Variants in DCC observed in about 807,000 individuals in gnomAD.
DCC encodes DCC netrin 1 receptor.
DCC carries 58 observed loss-of-function variants against 172.5 expected under a neutral mutation model. The ratio of observed to expected loss-of-function variants is 0.34; its 90% CI spans 0.27 to 0.42. The LOEUF (loss-of-function observed/expected upper bound fraction) is 0.42, where lower values mean the gene tolerates loss of function less well. Among genes scored for constraint, DCC ranks in the 10% least tolerant of loss-of-function variants. The pLI is 1.00. For synonymous variants in DCC, 709 were observed against 644.5 expected, an observed-to-expected ratio of 1.10 and a Z score of -1.52; for missense variants, 1,740 against 1,791.0, an observed-to-expected ratio of 0.97 and a Z score of 0.51.
intron 18 of DCC, 72 bp from the exon 19 acceptor site, chr18:53,402,714 G>T: frequency 1.8e-6 from 2 of 1,086,958 alleles, no homozygotes; most frequent in South Asian, 2.5e-5. Flanking sequence ...TCAACATCAT[G>T]ATGAAATTTC....
chr18:52,841,732 C>T (rs1424304573), intron 2 of DCC, among the ~76,000 whole-genome samples: 1 of 152,202 alleles, frequency 6.6e-6, no homozygotes, highest in Non-Finnish European at 1.5e-5. Flanking sequence ...GTTGGGAGTG[C>T]TGGCTGGCAA....
Position 52,513,052 on chromosome 18 carries a change from G to T in DCC, c.91+172174G>T, listed in dbSNP as rs865970378. 7.4e-4 allele frequency among the ~76,000 whole-genome samples: 113 copies of T among 152,082 alleles called. 1 individual carries two copies. The highest frequency in any genetic ancestry group is 2.6e-3 in the African/African-American group (108 of 41,400). On this transcript the variant is annotated intron_variant, in intron 1 of 28. Transcript: ENST00000442544. ...ATCCTGATCCTGTGATCCCTAAAGA[G>T]AACTGCTCTTGCTCCTCTGAGTTGA...
Position 53,467,887 on chromosome 18 carries a change from T to A in DCC, c.3620-7T>A, listed in dbSNP as rs750611424. 5 of 1,489,498 alleles carry A rather than the reference T, an allele frequency of 3.4e-6. No homozygotes were observed. The allele number at this position is 1,489,498 out of a possible 1,614,324, so 92.3% of individuals were successfully genotyped here. The stretch of plus-strand genomic sequence containing the variant: ...GGGCATGTTTCTCAGGAGTGTGTAT[T>A]TTTTAGGTCAAGACACTGAGGAAGC... On this transcript the variant is annotated splice_region_variant and splice_polypyrimidine_tract_variant and intron_variant, in intron 24 of 28. Coordinates refer to ENST00000442544, the MANE Select transcript of DCC (RefSeq NM_005215.4).
chr18:53,330,635 A>G (rs2057520240), intron 14 of DCC, among the ~76,000 whole-genome samples: 1 of 152,086 alleles, frequency 6.6e-6, no homozygotes. Context: ...CCTCAGCCTC[A>G]AGTGTGACAT....
chr18:53,201,448 C>A (rs945287136), intron 9 of DCC, among the ~76,000 whole-genome samples: 2 of 152,138 alleles, frequency 1.3e-5, no homozygotes, highest in Admixed American at 6.6e-5. Flanking sequence ...CTTAACAGGT[C>A]ATTCAGTCTC....
intron 12 of DCC, among the ~76,000 whole-genome samples, chr18:53,217,125 C>T (rs1222448404): frequency 6.6e-6 from 1 of 151,960 alleles, no homozygotes; most frequent in Non-Finnish European, 1.5e-5. Context: ...AGAGTGTACT[C>T]CAGGAAAAGA....
Position 53,402,907 on chromosome 18 carries a change from CT to C in DCC, c.2935+17del. The C allele has an allele frequency of 6.4e-7, 1 of 1,554,420 alleles. No homozygotes were observed. Among genetic ancestry groups the C allele is most frequent in the Non-Finnish European group, 8.9e-7 (1 of 1,125,656 alleles). ...GGAAAATTACTGGTAAGCATCTCCACTTTCTCTCCCAGCATAGCTCTCCCTT... is the reference window on the plus strand; with the variant it reads ...GGAAAATTACTGGTAAGCATCTCCACTTCTCTCCCAGCATAGCTCTCCCTT... On this transcript the variant is annotated intron_variant, in intron 19 of 28. Transcript: ENST00000442544.
chr18:52,688,624 G>C (rs2035880320), intron 1 of DCC, among the ~76,000 whole-genome samples: 1 of 151,898 alleles, frequency 6.6e-6, no homozygotes, highest in Non-Finnish European at 1.5e-5. Context: ...TAAATGAGTA[G>C]GTTTTAGCTG....
intron 12 of DCC, among the ~76,000 whole-genome samples, chr18:53,254,794 G>A (rs182779951): frequency 2.6e-4 from 39 of 152,180 alleles, no homozygotes; most frequent in Admixed American, 1.2e-3. Flanking sequence ...GGAATCATGC[G>A]TAGGTATAAG....
chr18:53,228,764 G>C (rs536450306), intron 12 of DCC, among the ~76,000 whole-genome samples: 33 of 152,092 alleles, frequency 2.2e-4, no homozygotes, highest in Non-Finnish European at 4.6e-4. Flanking sequence ...CCCAATTAAA[G>C]TTCTCAAACT....
intron 7 of DCC, among the ~76,000 whole-genome samples, chr18:53,068,419 C>G (rs182191284): frequency 6.0e-5 from 7 of 116,714 alleles, no homozygotes; most frequent in African/African-American, 1.6e-4. Context: ...TCCCTCCCCC[C>G]ACCCCACAAA....
At chr18:53,242,520 C>T (rs1224517839) in intron 12 of DCC, among the ~76,000 whole-genome samples, 2 of 152,176 alleles carry the variant, frequency 1.3e-5, no homozygotes, top group South Asian at 2.1e-4. Flanking sequence ...ATACCTACTA[C>T]TGTAAGCTTT....
intron 2 of DCC, among the ~76,000 whole-genome samples, chr18:52,782,040 A>G (rs2037554868): frequency 1.3e-5 from 2 of 152,162 alleles, no homozygotes. Flanking sequence ...AAAAAGGACC[A>G]TTTTCCCATA....
chr18:53,427,680 C>T (rs1911067890), intron 21 of DCC, among the ~76,000 whole-genome samples: 2 of 150,442 alleles, frequency 1.3e-5, no homozygotes, highest in South Asian at 2.1e-4. Context: ...TTGATCTGTC[C>T]AGCTCCTTTG....
At chr18:52,569,839 C>A (rs1390626780) in intron 1 of DCC, among the ~76,000 whole-genome samples, 1 of 152,150 alleles carries the variant, frequency 6.6e-6, no homozygotes, top group Non-Finnish European at 1.5e-5. Context: ...ATGTGTATTA[C>A]ATATCACTGC....
intron 1 of DCC, among the ~76,000 whole-genome samples, chr18:52,428,260 T>C (rs1987508343): frequency 6.6e-6 from 1 of 152,068 alleles, no homozygotes; most frequent in Non-Finnish European, 1.5e-5. Flanking sequence ...TGAGCAGAAT[T>C]ATGTTTAATT....
intron 7 of DCC, among the ~76,000 whole-genome samples, chr18:53,129,089 G>A (rs963592558): frequency 5.9e-5 from 9 of 151,640 alleles, no homozygotes; most frequent in Admixed American, 3.9e-4. Context: ...GTTTCACCCT[G>A]TTGGCCAGGC....
chr18:52,683,024 A>G (rs2035774427), intron 1 of DCC, among the ~76,000 whole-genome samples: 1 of 151,984 alleles, frequency 6.6e-6, no homozygotes, highest in Admixed American at 6.6e-5. Context: ...CTAGAGGGAG[A>G]TGTGGTGGCT....
intron 7 of DCC, among the ~76,000 whole-genome samples, chr18:53,071,519 T>C (rs1400658257): frequency 6.6e-6 from 1 of 152,150 alleles, no homozygotes. Flanking sequence ...ATTTTCTGTC[T>C]CTCTCTATAG....
Sources: gnomAD v4.1 joint callset for allele counts (sites outside exome capture counted in the v4.1 genomes callset) on GRCh38, gnomAD v4.1.1 for gene constraint, MANE v1.5 for transcripts, NCBI Gene and HGNC (gene_info 2026-07-23, HGNC 2026-07-21) for gene names.